MAGI2: variants seen among roughly 807,000 people sequenced by gnomAD.
MAGI2 encodes the protein membrane associated guanylate kinase, WW and PDZ domain containing 2, also known as membrane-associated guanylate kinase, WW and PDZ domain-containing protein 2.
Under a neutral mutation model 133.3 loss-of-function variants are expected in MAGI2, and 35 were observed. The ratio of observed to expected loss-of-function variants is 0.26; its 90% CI spans 0.20 to 0.35. MAGI2 has a LOEUF of 0.35. Ranked by LOEUF, MAGI2 falls within the 10% of genes least tolerant of loss-of-function variation. The probability of loss-of-function intolerance (pLI) is 1.00; values close to 1 mark genes in which losing one functional copy is unlikely to be tolerated. For synonymous variants in MAGI2, 729 were observed against 710.6 expected (o/e 1.03, Z -0.41); for missense variants, 1,636 against 1,863.4 (o/e 0.88, Z 2.25).
intron 1 of MAGI2, among the ~76,000 whole-genome samples, chr7:79,078,954 A>T (rs961473117): frequency 6.6e-6 from 1 of 152,288 alleles, no homozygotes; most frequent in East Asian, 1.9e-4. Context: ...TAATTAAAAT[A>T]CTTCCATTCT....
Position 79,432,800 on chromosome 7 carries a change from G to A in MAGI2, c.301+20220C>T, listed in dbSNP as rs1299082013. ...GGTGTGCGATGGTGATGATAAAGGT[G>A]GAGTGTCTTTGAAGAACATACAAAT... On this transcript the variant is annotated intron_variant, in intron 1 of 21. Transcript: ENST00000354212. Among the ~76,000 whole-genome samples the A allele has an allele frequency of 2.0e-5, 3 of 152,192 alleles. No individual in the cohort carries two copies. The East Asian group carries it at 5.8e-4, about 29-fold the overall frequency.
intron 1 of MAGI2, among the ~76,000 whole-genome samples, chr7:79,049,512 T>G (rs1812484306): frequency 6.6e-6 from 1 of 152,186 alleles, no homozygotes. Context: ...GCCTGTTTAT[T>G]ACAGACTTGT....
intron 2 of MAGI2, among the ~76,000 whole-genome samples, chr7:78,817,724 T>C (rs1257900224): frequency 1.3e-5 from 2 of 152,114 alleles, no homozygotes; most frequent in African/African-American, 4.8e-5. Flanking sequence ...CTTTTTTTTT[T>C]TTTTAGCTGG....
At chr7:78,649,815 C>T (rs959273223) in intron 2 of MAGI2, among the ~76,000 whole-genome samples, 1 of 152,036 alleles carries the variant, frequency 6.6e-6, no homozygotes, top group East Asian at 1.9e-4. Context: ...CCTCACTCGT[C>T]TGAACAGTCC....
intron 2 of MAGI2, among the ~76,000 whole-genome samples, chr7:78,881,900 G>A (rs1795868262): frequency 6.7e-6 from 1 of 149,846 alleles, no homozygotes; most frequent in African/African-American, 2.5e-5. Context: ...AGAAAAACAA[G>A]AACAAACTAA....
intron 1 of MAGI2, among the ~76,000 whole-genome samples, chr7:79,386,568 T>C (rs1408642650): frequency 1.3e-5 from 2 of 152,058 alleles, no homozygotes; most frequent in Non-Finnish European, 2.9e-5. Flanking sequence ...GCCAATAAGA[T>C]GGAATAGCCA....
chr7:79,057,800 T>C lies in MAGI2; in HGVS notation c.302-50594A>G, dbSNP rs373557316. 1.2e-4 allele frequency among the ~76,000 whole-genome samples: 19 copies of C among 152,202 alleles called. No homozygotes were observed. In the East Asian group the frequency reaches 3.5e-3, roughly 28 times the overall value. On this transcript the variant is annotated intron_variant, in intron 1 of 21. Transcript: ENST00000354212. ...GAAATCTGAAGAGCATGTTAAAGTA[T>C]GAGAAGGAGACACTTCCATAGGGGT...
rs1807909001 is a variant in MAGI2 at position 78,017,722 on chromosome 7, T to G, written c.*1593A>C. On this transcript the variant is annotated 3_prime_UTR_variant, in exon 22 of 22. Coordinates refer to ENST00000354212, the MANE Select transcript of MAGI2 (RefSeq NM_012301.4). ...CAAACAACTAAACTACTCCGATGTT[T>G]GATGAAAATTAAACTGCTACTCAGG... 2.6e-5 allele frequency: 4 copies of G among 152,620 alleles called. No homozygotes were observed. Among genetic ancestry groups the G allele is most frequent in the Admixed American group, 1.3e-4 (2 of 15,282 alleles). 9.5% of individuals were successfully genotyped at this position (152,620 alleles called of 1,614,324 possible). A position where few individuals can be genotyped will look rare whatever the true frequency, so the allele number is the denominator to read the frequency against.
intron 1 of MAGI2, among the ~76,000 whole-genome samples, chr7:79,425,477 G>A (rs1295250172): frequency 2.0e-5 from 3 of 151,500 alleles, no homozygotes; most frequent in Non-Finnish European, 4.4e-5. Context: ...CAATATATTT[G>A]GGGGTTCTCT....
intron 2 of MAGI2, among the ~76,000 whole-genome samples, chr7:78,861,975 C>T (rs944153243): frequency 1.3e-5 from 2 of 152,036 alleles, no homozygotes; most frequent in African/African-American, 4.8e-5. Flanking sequence ...TGTGGAATAC[C>T]AATTAAACCA....
chr7:78,149,972 A>G (rs1584151315), intron 16 of MAGI2, among the ~76,000 whole-genome samples: 1 of 152,228 alleles, frequency 6.6e-6, no homozygotes, highest in South Asian at 2.1e-4. Context: ...GGGAATGCCT[A>G]GTGATCTGAC....
At chr7:78,525,827 C>G (rs1796900553) in intron 3 of MAGI2, among the ~76,000 whole-genome samples, 2 of 152,214 alleles carry the variant, frequency 1.3e-5, no homozygotes, top group Non-Finnish European at 2.9e-5. Flanking sequence ...ACCACTATGA[C>G]TGCTACAACG....
chr7:78,897,708 G>C (rs1424728681), intron 2 of MAGI2, among the ~76,000 whole-genome samples: 1 of 152,074 alleles, frequency 6.6e-6, no homozygotes, highest in African/African-American at 2.4e-5. Flanking sequence ...TTGAATCTAT[G>C]AATTGTTTTG....
intron 2 of MAGI2, among the ~76,000 whole-genome samples, chr7:78,636,452 A>G (rs1293338515): frequency 1.3e-5 from 2 of 149,792 alleles, no homozygotes; most frequent in African/African-American, 2.5e-5. Context: ...TTTAAATTTT[A>G]ACAGTTTGGA....
chr7:79,158,997 G>T lies in MAGI2; in HGVS notation c.302-151791C>A, dbSNP rs185364372. On this transcript the variant is annotated intron_variant, in intron 1 of 21. Coordinates refer to ENST00000354212, the MANE Select transcript of MAGI2 (RefSeq NM_012301.4). ...ACCTTGTTTATACATGTTATACAAG[G>T]TTATACAGGTTATACAAGGTATACA... is the stretch of plus-strand genomic sequence containing the variant. Among the ~76,000 whole-genome samples, 20 of 151,982 alleles carry T rather than the reference G, an allele frequency of 1.3e-4. No homozygotes were observed. In the East Asian group the frequency reaches 2.7e-3, roughly 21 times the overall value.
intron 2 of MAGI2, among the ~76,000 whole-genome samples, chr7:78,755,983 T>C (rs954196398): frequency 1.3e-5 from 2 of 152,188 alleles, no homozygotes; most frequent in Non-Finnish European, 2.9e-5. Flanking sequence ...CCATTATTAG[T>C]CTGCATCATA....
At chr7:79,421,149 G>A (rs1247908986) in intron 1 of MAGI2, among the ~76,000 whole-genome samples, 2 of 151,908 alleles carry the variant, frequency 1.3e-5, no homozygotes, top group Non-Finnish European at 2.9e-5. Context: ...ATGTCACAAT[G>A]CTATTACAAT....
intron 1 of MAGI2, among the ~76,000 whole-genome samples, chr7:79,277,310 A>T (rs1835302739): frequency 6.6e-6 from 1 of 152,246 alleles, no homozygotes; most frequent in Admixed American, 6.5e-5. Context: ...TAGCAATAAA[A>T]TTTTTTAGTT....
intron 1 of MAGI2, among the ~76,000 whole-genome samples, chr7:79,315,324 A>AGTT (rs1563107001): frequency 2.4e-5 from 2 of 84,100 alleles, no homozygotes; most frequent in African/African-American, 4.1e-5. Flanking sequence ...ATGCCCAGTT[A>AGTT]ATTTTTTTTT....
Sources: allele counts gnomAD v4.1 joint callset (sites outside exome capture counted in the v4.1 genomes callset), GRCh38; gene constraint gnomAD v4.1.1; transcripts MANE v1.5; gene names NCBI Gene and HGNC (gene_info 2026-07-23, HGNC 2026-07-21).